RANBP17: variants seen among roughly 807,000 people sequenced by gnomAD.
The protein encoded by RANBP17 is RAN binding protein 17, also known as ran-binding protein 17.
In RANBP17, 158 loss-of-function variants were observed where a neutral mutation model predicts 141.2. That is an observed-to-expected ratio of 1.12 (90% CI 0.98 to 1.28). The LOEUF (loss-of-function observed/expected upper bound fraction) is 1.28, where lower values mean the gene tolerates loss of function less well. RANBP17 is among the 50% of genes most tolerant of loss of function. RANBP17 has a pLI of 0.00. For synonymous variants in RANBP17, 430 were observed against 450.0 expected (o/e 0.96, Z 0.56); for missense variants, 1,438 against 1,290.7 (o/e 1.11, Z -1.75).
chr5:170,921,963 G>A (rs1450430929), intron 11 of RANBP17, among the ~76,000 whole-genome samples: 1 of 152,088 alleles, frequency 6.6e-6, no homozygotes. Flanking sequence ...CCATCTTTAT[G>A]GTTTTATCTA....
chr5:170,891,869 TAGCA>T (rs1769643558), intron 3 of RANBP17, among the ~76,000 whole-genome samples: 2 of 152,200 alleles, frequency 1.3e-5, no homozygotes, highest in African/African-American at 4.8e-5. Flanking sequence ...TGCATTCACC[TAGCA>T]TTTTTTGGTA....
chr5:171,032,111 A>G (rs1781584609), intron 14 of RANBP17, among the ~76,000 whole-genome samples: 1 of 152,130 alleles, frequency 6.6e-6, no homozygotes, highest in South Asian at 2.1e-4. Context: ...CCTGCAGACT[A>G]CTAATGGGAT....
chr5:171,213,515 A>G, intron 20 of RANBP17, 116 bp from the exon 21 acceptor site: 1 of 718,916 alleles, frequency 1.4e-6, no homozygotes, highest in East Asian at 2.6e-5. Flanking sequence ...AGAACAAATT[A>G]GTATAAATAT....
At position 171,213,611 on chromosome 5, in the gene RANBP17, T is replaced by C. The variant is rs780643158; in HGVS notation, c.2232-20T>C. On this transcript the variant is annotated intron_variant, in intron 20 of 27. Transcript: ENST00000523189. Reference sequence around the variant, plus strand: ...AGTATTTCTTTAGACCCTTAAATTCTTTAACAGGCTTTATAAAAGGTACCC... The same window carrying C: ...AGTATTTCTTTAGACCCTTAAATTCCTTAACAGGCTTTATAAAAGGTACCC... The C allele has an allele frequency of 6.3e-7, 1 of 1,575,150 alleles. No homozygotes were observed. Among genetic ancestry groups the C allele is most frequent in the Non-Finnish European group, 8.7e-7 (1 of 1,144,638 alleles).
intron 18 of RANBP17, among the ~76,000 whole-genome samples, chr5:171,198,644 A>G (rs935825665): frequency 2.0e-5 from 3 of 152,242 alleles, no homozygotes; most frequent in African/African-American, 7.2e-5. Context: ...GGGCATTTAC[A>G]TCTCACAAGT....
chr5:171,171,922 G>A (rs1760127244), intron 16 of RANBP17, among the ~76,000 whole-genome samples: 2 of 151,822 alleles, frequency 1.3e-5, no homozygotes, highest in South Asian at 4.1e-4. Flanking sequence ...CTAAAACCAA[G>A]AATCTTCTTA....
Position 171,262,183 on chromosome 5 carries a change from T to G in RANBP17, c.2777-3498T>G, listed in dbSNP as rs907377783. Among the ~76,000 whole-genome samples, 3 of 152,200 alleles carry G rather than the reference T, an allele frequency of 2.0e-5. 1 individual carries two copies. The highest frequency in any genetic ancestry group is 2.9e-5 in the Non-Finnish European group (2 of 68,032). On this transcript the variant is annotated intron_variant, in intron 24 of 27. Transcript: ENST00000523189. ...TGATTGATAGCATATTGCTTTTCAC[T>G]GGTGAGGGGAACCATATCTGCTTCC...
chr5:171,094,464 A>AT (rs1786531324), intron 14 of RANBP17, among the ~76,000 whole-genome samples: 2 of 152,092 alleles, frequency 1.3e-5, no homozygotes, highest in African/African-American at 4.8e-5. Flanking sequence ...TTTTCTCATT[A>AT]TTATCATTGT....
chr5:171,268,040 G>A (rs1391738964), intron 25 of RANBP17, among the ~76,000 whole-genome samples: 5 of 152,126 alleles, frequency 3.3e-5, no homozygotes, highest in Non-Finnish European at 7.4e-5. Context: ...ATTATTTGGT[G>A]TGACCCTGGA....
chr5:171,270,650 T>C (rs1767043080), intron 25 of RANBP17, among the ~76,000 whole-genome samples: 1 of 152,164 alleles, frequency 6.6e-6, no homozygotes, highest in Non-Finnish European at 1.5e-5. Flanking sequence ...CATTTCGTTA[T>C]ATCACAGTGA....
intron 12 of RANBP17, among the ~76,000 whole-genome samples, chr5:170,943,587 A>G (rs1774511400): frequency 6.6e-6 from 1 of 152,172 alleles, no homozygotes; most frequent in Non-Finnish European, 1.5e-5. Flanking sequence ...CAGGATAAAT[A>G]GAAAAATGGA....
chr5:171,041,282 T>G (rs976194592), intron 14 of RANBP17, among the ~76,000 whole-genome samples: 5 of 152,182 alleles, frequency 3.3e-5, no homozygotes, highest in African/African-American at 1.2e-4. Flanking sequence ...TTGATAGCAC[T>G]CATTTTCTTC....
intron 16 of RANBP17, among the ~76,000 whole-genome samples, chr5:171,176,743 C>A (rs947096016): frequency 6.6e-6 from 1 of 152,118 alleles, no homozygotes; most frequent in Non-Finnish European, 1.5e-5. Flanking sequence ...TATTCGAGGT[C>A]ATTTAGACAT....
At chr5:170,960,644 GTAGT>G (rs1269882406) in intron 13 of RANBP17, among the ~76,000 whole-genome samples, 2 of 152,174 alleles carry the variant, frequency 1.3e-5, no homozygotes, top group African/African-American at 4.8e-5. Flanking sequence ...ACCTGGATTA[GTAGT>G]AAGTTTTTAA....
rs1763450800 is a variant in RANBP17 at position 171,219,976 on chromosome 5, T to C, written c.2340-1782T>C. Reference sequence around the variant, plus strand: ...ATCATTTGGAGGAGAAGAGGCATTCTGGTTTTTGGAATTTTCAGTGTTTTT... The same window carrying C: ...ATCATTTGGAGGAGAAGAGGCATTCCGGTTTTTGGAATTTTCAGTGTTTTT... On this transcript the variant is annotated intron_variant, in intron 21 of 27. Coordinates refer to ENST00000523189, the MANE Select transcript of RANBP17 (RefSeq NM_022897.5). 2.0e-5 allele frequency among the ~76,000 whole-genome samples: 3 copies of C among 152,106 alleles called. No homozygotes were observed. In the South Asian group the frequency reaches 6.2e-4, roughly 32 times the overall value.
chr5:171,150,126 T>C (rs1330541974), intron 14 of RANBP17, among the ~76,000 whole-genome samples: 3 of 152,224 alleles, frequency 2.0e-5, no homozygotes, highest in African/African-American at 7.2e-5. Context: ...ATTTTGGAGT[T>C]GTTAAAATCT....
chr5:171,219,299 CCT>C (rs1763413491), intron 21 of RANBP17, among the ~76,000 whole-genome samples: 1 of 152,026 alleles, frequency 6.6e-6, no homozygotes, highest in Non-Finnish European at 1.5e-5. Flanking sequence ...GGTAACCTGA[CCT>C]CTCTCTCTGG....
At chr5:171,145,173 T>C (rs1184568215) in intron 14 of RANBP17, among the ~76,000 whole-genome samples, 1 of 152,208 alleles carries the variant, frequency 6.6e-6, no homozygotes, top group Admixed American at 6.5e-5. Flanking sequence ...TAAATTACTT[T>C]AGTAAGTAAG....
At chr5:171,073,336 A>C (rs1307290164) in intron 14 of RANBP17, among the ~76,000 whole-genome samples, 1 of 152,182 alleles carries the variant, frequency 6.6e-6, no homozygotes, top group Non-Finnish European at 1.5e-5. Flanking sequence ...ATAATGTAAG[A>C]CTAAAGACAA....
Sources: allele counts gnomAD v4.1 joint callset (sites outside exome capture counted in the v4.1 genomes callset), GRCh38; gene constraint gnomAD v4.1.1; transcripts MANE v1.5; gene names NCBI Gene and HGNC (gene_info 2026-07-23, HGNC 2026-07-21).